DLGAP2: variants seen among roughly 807,000 people sequenced by gnomAD.
DLGAP2 encodes the protein DLG associated protein 2.
Under a neutral mutation model 100.3 loss-of-function variants are expected in DLGAP2, and 26 were observed. The ratio of observed to expected loss-of-function variants is 0.26; its 90% CI spans 0.19 to 0.36. The LOEUF is 0.36. Among genes scored for constraint, DLGAP2 ranks in the 10% least tolerant of loss-of-function variants. The pLI is 1.00. For missense variants in DLGAP2, 1,858 were observed against 1,453.2 expected, an observed-to-expected ratio of 1.28 and a Z score of -4.53; for synonymous variants, 886 against 630.1, an observed-to-expected ratio of 1.41 and a Z score of -6.08.
intron 3 of DLGAP2, among the ~76,000 whole-genome samples, chr8:1,373,354 G>A (rs1232217081): frequency 6.6e-6 from 1 of 151,962 alleles, no homozygotes. Context: ...CGCCTGGACC[G>A]TGGCCGCAGG....
intron 3 of DLGAP2, among the ~76,000 whole-genome samples, chr8:1,320,887 CTGTA>C (rs200292770): frequency 0.013 from 2,019 of 152,120 alleles, 17 homozygotes; most frequent in Middle Eastern, 0.055. Context: ...GTGCACATGT[CTGTA>C]TGCACAGGTG....
intron 2 of DLGAP2, among the ~76,000 whole-genome samples, chr8:1,011,431 A>G (rs563018770): frequency 2.3e-3 from 340 of 145,050 alleles, no homozygotes; most frequent in Admixed American, 3.6e-3. Context: ...CCCTGGAATG[A>G]GGGGTCTCAG....
intron 6 of DLGAP2, among the ~76,000 whole-genome samples, chr8:1,584,427 T>C (rs939499353): frequency 1.3e-5 from 2 of 152,180 alleles, no homozygotes; most frequent in African/African-American, 2.4e-5. Flanking sequence ...CTTCAGTTAA[T>C]AGGAAGCCAT....
chr8:1,292,820 T>A (rs1405453271), intron 3 of DLGAP2, among the ~76,000 whole-genome samples: 1 of 152,066 alleles, frequency 6.6e-6, no homozygotes, highest in Non-Finnish European at 1.5e-5. Context: ...CCAAGGTCTT[T>A]CATTTCACTC....
At chr8:936,822 T>A (rs1023905645) in intron 2 of DLGAP2, among the ~76,000 whole-genome samples, 5 of 152,218 alleles carry the variant, frequency 3.3e-5, no homozygotes, top group African/African-American at 1.2e-4. Context: ...AACTTTTTCA[T>A]GACTTTTGAA....
intron 2 of DLGAP2, among the ~76,000 whole-genome samples, chr8:1,055,683 A>C (rs1011443726): frequency 6.6e-6 from 1 of 152,294 alleles, no homozygotes; most frequent in Non-Finnish European, 1.5e-5. Context: ...CAGCTCCTCC[A>C]CAAAGCAGGT....
intron 6 of DLGAP2, among the ~76,000 whole-genome samples, chr8:1,568,248 AT>A (rs1802490342): frequency 1.1e-5 from 1 of 87,948 alleles, no homozygotes; most frequent in East Asian, 3.9e-4. Context: ...CACTCTGCCC[AT>A]GGCCCCCGTG....
At chr8:1,470,173 C>T (rs1412181936) in intron 3 of DLGAP2, among the ~76,000 whole-genome samples, 1 of 151,984 alleles carries the variant, frequency 6.6e-6, no homozygotes, top group African/African-American at 2.4e-5. Flanking sequence ...AAAGAAAAGC[C>T]TCAGTTGTGG....
chr8:1,366,503 C>T (rs1281148697), intron 3 of DLGAP2, among the ~76,000 whole-genome samples: 2 of 152,152 alleles, frequency 1.3e-5, no homozygotes, highest in East Asian at 3.9e-4. Flanking sequence ...AGTTGGTCTT[C>T]CTGAGCTGAG....
At position 1,701,270 on chromosome 8, in the gene DLGAP2, T is replaced by C; in HGVS notation, c.3032T>C (p.Leu1011Pro). The C allele has an allele frequency of 6.3e-7, 1 of 1,583,130 alleles. No homozygotes were observed. The highest frequency in any genetic ancestry group is 1.2e-5 in the South Asian group (1 of 86,618). The change falls in exon 15 of 15, where the codon CTG becomes CCG. Residue 1011 changes from leucine to proline, a missense_variant. Transcript: ENST00000637795. Reference protein sequence around the residue: ...FPITREKSLDLPDRQRQEARR... With the variant: ...FPITREKSLDPPDRQRQEARR... ...ATCACAAGAGAAAAATCCCTGGACC[T>C]GCCCGACAGACAACGCCAGGAAGCC...
intron 3 of DLGAP2, among the ~76,000 whole-genome samples, chr8:1,476,976 G>C (rs950010848): frequency 6.6e-6 from 1 of 152,050 alleles, no homozygotes; most frequent in Non-Finnish European, 1.5e-5. Flanking sequence ...ATTGTGATCT[G>C]TATGCTTTGT....
At chr8:1,191,406 G>A (rs369959314) in intron 2 of DLGAP2, among the ~76,000 whole-genome samples, 117 of 152,278 alleles carry the variant, frequency 7.7e-4, no homozygotes, top group African/African-American at 2.7e-3. Context: ...TCCTGACCTT[G>A]TGATCTGCCC....
chr8:1,565,802 A>G lies in DLGAP2; in HGVS notation c.1350A>G (p.Ser450=). ...KAMGDEESGE[S]DSSPKTSPKS... ...TGGGGGACGAGGAGAGCGGAGAGTC[A>G]GACTCCAGCCCCAAGACATCACCAA... The change falls in exon 6 of 15, where the codon TCA becomes TCG. Residue 450 remains serine (S), a synonymous_variant. Transcript: ENST00000637795. 2 of 1,613,898 alleles carry G rather than the reference A, an allele frequency of 1.2e-6. No individual in the cohort carries two copies. Among genetic ancestry groups the G allele is most frequent in the South Asian group, 1.1e-5 (1 of 91,044 alleles).
At chr8:1,164,622 C>A (rs1796978625) in intron 2 of DLGAP2, among the ~76,000 whole-genome samples, 1 of 151,718 alleles carries the variant, frequency 6.6e-6, no homozygotes, top group Admixed American at 6.6e-5. Flanking sequence ...AGGGAAGAGC[C>A]ATGCTCAGAA....
At chr8:1,022,617 T>G (rs1401753556) in intron 2 of DLGAP2, among the ~76,000 whole-genome samples, 39 of 68,022 alleles carry the variant, frequency 5.7e-4, no homozygotes, top group South Asian at 9.9e-4. Context: ...CTCCCGTGCT[T>G]AGGTAGATGC....
chr8:1,095,471 G>A (rs1164101042), intron 2 of DLGAP2, among the ~76,000 whole-genome samples: 1 of 152,132 alleles, frequency 6.6e-6, no homozygotes, highest in East Asian at 1.9e-4. Flanking sequence ...GTGAGCACAG[G>A]GGTTTTTGGG....
chr8:884,917 G>C (rs1216131450), intron 1 of DLGAP2, among the ~76,000 whole-genome samples: 1 of 152,110 alleles, frequency 6.6e-6, no homozygotes, highest in East Asian at 1.9e-4. Flanking sequence ...GTTTTTGTCA[G>C]GTTTGTTGAA....
intron 2 of DLGAP2, among the ~76,000 whole-genome samples, chr8:1,055,842 C>G (rs1802866998): frequency 6.6e-6 from 1 of 152,208 alleles, no homozygotes; most frequent in East Asian, 1.9e-4. Flanking sequence ...AATCCTGATT[C>G]TTACTTCAAG....
At chr8:1,343,704 G>C (rs572446374) in intron 3 of DLGAP2, among the ~76,000 whole-genome samples, 3 of 128,838 alleles carry the variant, frequency 2.3e-5, no homozygotes, top group African/African-American at 7.7e-5. Context: ...TGCATCTGGG[G>C]GGTCGTGGGG....
Sources: allele counts gnomAD v4.1 joint callset (sites outside exome capture counted in the v4.1 genomes callset), GRCh38; gene constraint gnomAD v4.1.1; transcripts MANE v1.5; gene names NCBI Gene and HGNC (gene_info 2026-07-23, HGNC 2026-07-21).